The following ZFAT variants were observed in gnomAD, a reference collection of about 807,000 sequenced individuals.
ZFAT encodes the protein zinc finger protein ZFAT.
Under a neutral mutation model 117.7 loss-of-function variants are expected in ZFAT, and 64 were observed. The ratio of observed to expected loss-of-function variants is 0.54; its 90% CI spans 0.44 to 0.67. The LOEUF (loss-of-function observed/expected upper bound fraction) is 0.67. Among genes scored for constraint, ZFAT ranks in the 30% least tolerant of loss-of-function variants. The pLI, the probability that ZFAT is intolerant of heterozygous loss-of-function variation, is 0.00. For missense variants in ZFAT, 1,433 were observed against 1,584.5 expected (o/e 0.90, Z 1.62); for synonymous variants, 679 against 615.0 (o/e 1.10, Z -1.54).
chr8:134,739,782 T>C, the ZFAT span, among the ~76,000 whole-genome samples: 1 of 152,214 alleles, frequency 6.6e-6, no homozygotes, highest in Admixed American at 6.5e-5. Flanking sequence ...AGGCAGAGTG[T>C]AGCAGAGGCT....
At chr8:134,803,977 C>T in the ZFAT span, among the ~76,000 whole-genome samples, 574 of 152,180 alleles carry the variant, frequency 3.8e-3, 5 homozygotes, top group Middle Eastern at 0.044. Flanking sequence ...AAAACCAATG[C>T]TTTATTGAAA....
the ZFAT span, among the ~76,000 whole-genome samples, chr8:134,825,977 C>T: frequency 6.7e-6 from 1 of 150,064 alleles, no homozygotes; most frequent in Non-Finnish European, 1.5e-5. Flanking sequence ...GCCGAGATTG[C>T]GCCACTGCAC....
chr8:134,528,731 C>T (rs1225148498), intron 12 of ZFAT, among the ~76,000 whole-genome samples: 3 of 152,174 alleles, frequency 2.0e-5, no homozygotes, highest in Admixed American at 6.5e-5. Flanking sequence ...CAGCTAACTC[C>T]GCTCCAGGGC....
the ZFAT span, chr8:134,784,878 C>A: frequency 2.6e-5 from 4 of 152,044 alleles, no homozygotes; most frequent in African/African-American, 9.7e-5. Flanking sequence ...TTCTCTTTTA[C>A]AACACATCAA....
chr8:134,496,715 G>A (rs993947674), intron 15 of ZFAT, among the ~76,000 whole-genome samples: 1 of 152,230 alleles, frequency 6.6e-6, no homozygotes, highest in Non-Finnish European at 1.5e-5. Flanking sequence ...TTTGCTGGGG[G>A]GAAAAGCCAT....
chr8:134,621,190 T>C (rs1226535228), intron 3 of ZFAT, among the ~76,000 whole-genome samples: 1 of 150,448 alleles, frequency 6.6e-6, no homozygotes, highest in African/African-American at 2.5e-5. Flanking sequence ...GAGCTCTTTA[T>C]GGCCCTACCC....
chr8:134,570,955 G>A (rs1342635889), intron 10 of ZFAT, among the ~76,000 whole-genome samples: 1 of 152,204 alleles, frequency 6.6e-6, no homozygotes, highest in East Asian at 1.9e-4. Flanking sequence ...AAGACAGACA[G>A]AGACAGGACA....
At chr8:134,707,302 T>C (rs1437898511) in intron 1 of ZFAT, among the ~76,000 whole-genome samples, 1 of 152,162 alleles carries the variant, frequency 6.6e-6, no homozygotes, top group African/African-American at 2.4e-5. Context: ...GGAATCCGTT[T>C]TCCACTGCCA....
At chr8:134,658,207 TGC>T (rs1831732895) in intron 1 of ZFAT, among the ~76,000 whole-genome samples, 1 of 152,010 alleles carries the variant, frequency 6.6e-6, no homozygotes, top group African/African-American at 2.4e-5. Context: ...CATGGCAGCG[TGC>T]ACCTGTAGGC....
intron 11 of ZFAT, among the ~76,000 whole-genome samples, chr8:134,537,051 A>C (rs1260871550): frequency 6.6e-6 from 1 of 152,234 alleles, no homozygotes; most frequent in Non-Finnish European, 1.5e-5. Flanking sequence ...CAAAGTAATG[A>C]GATCTAACAT....
intron 3 of ZFAT, among the ~76,000 whole-genome samples, chr8:134,616,528 T>C (rs1195440731): frequency 6.6e-6 from 1 of 152,226 alleles, no homozygotes; most frequent in African/African-American, 2.4e-5. Flanking sequence ...TCAGTTCACA[T>C]GTATCATGGC....
chr8:134,631,729 C>A (rs1376651242), intron 3 of ZFAT, among the ~76,000 whole-genome samples: 4 of 152,190 alleles, frequency 2.6e-5, no homozygotes, highest in African/African-American at 4.8e-5. Context: ...ACAGGCCATA[C>A]TTGTGAGTGG....
At chr8:134,542,872 G>A (rs1359998878) in intron 11 of ZFAT, among the ~76,000 whole-genome samples, 2 of 152,164 alleles carry the variant, frequency 1.3e-5, no homozygotes, top group Non-Finnish European at 1.5e-5. Context: ...AAGAAGAGAT[G>A]GGGTAATGTG....
intron 2 of ZFAT, among the ~76,000 whole-genome samples, chr8:134,639,100 C>T (rs950122945): frequency 6.6e-6 from 1 of 152,176 alleles, no homozygotes; most frequent in African/African-American, 2.4e-5. Flanking sequence ...CATGAGGACC[C>T]GTTAAGTAAG....
At chr8:134,675,376 G>T (rs540613124) in intron 1 of ZFAT, among the ~76,000 whole-genome samples, 1 of 152,098 alleles carries the variant, frequency 6.6e-6, no homozygotes, top group Admixed American at 6.6e-5. Flanking sequence ...TCAACTCAAT[G>T]AAATAAAGTG....
In ZFAT at chr8:134,529,722, C is replaced by T. The variant is rs565882252; in HGVS notation, c.3115+3112G>A. ...CATAAGCCAAATGTGCACATGTCCC[C>T]GCTCCACGTTGAGGGACATCATGTG... On this transcript the variant is annotated intron_variant, in intron 12 of 15. Transcript: ENST00000377838. Among the ~76,000 whole-genome samples the T allele has an allele frequency of 1.2e-4, 18 of 152,296 alleles. No individual in the cohort carries two copies. In the East Asian group the frequency reaches 1.7e-3, roughly 15 times the overall value.
chr8:134,509,322 A>G (rs191969338), intron 15 of ZFAT, among the ~76,000 whole-genome samples: 8 of 152,294 alleles, frequency 5.3e-5, no homozygotes, highest in Non-Finnish European at 1.0e-4. Context: ...ATGTGTCTCA[A>G]TGGTCCACAT....
chr8:134,708,467 AT>A (rs1414005257), intron 1 of ZFAT, among the ~76,000 whole-genome samples: 1 of 152,148 alleles, frequency 6.6e-6, no homozygotes, highest in African/African-American at 2.4e-5. Flanking sequence ...AGTTTTTTTA[AT>A]TTAAAAAAAG....
intron 1 of ZFAT, among the ~76,000 whole-genome samples, chr8:134,684,026 G>C (rs745469838): frequency 2.0e-5 from 3 of 152,170 alleles, no homozygotes; most frequent in Non-Finnish European, 4.4e-5. Flanking sequence ...TGCAACTTCT[G>C]ATAAAAAGCT....
Sources: gnomAD v4.1 joint callset for allele counts (sites outside exome capture counted in the v4.1 genomes callset) on GRCh38, gnomAD v4.1.1 for gene constraint, MANE v1.5 for transcripts, NCBI Gene and HGNC (gene_info 2026-07-23, HGNC 2026-07-21) for gene names.